ZNF707: variants seen among roughly 807,000 people sequenced by gnomAD.
The protein encoded by ZNF707 is zinc finger protein 707.
ZNF707 carries 8 observed loss-of-function variants against 13.3 expected under a neutral mutation model. The observed-to-expected ratio is 0.60, with a 90% CI of 0.35 to 1.09. The LOEUF (loss-of-function observed/expected upper bound fraction) is 1.09. Among genes scored for constraint, ZNF707 ranks in the 50% least tolerant of loss-of-function variants. The pLI is 0.02. For synonymous variants in ZNF707, 225 were observed against 205.6 expected (o/e 1.09, Z -0.81); for missense variants, 530 against 512.6 (o/e 1.03, Z -0.33).
intron 5 of ZNF707, 66 bp downstream of exon 5, chr8:143,691,779 T>A: frequency 7.3e-7 from 1 of 1,377,112 alleles, no homozygotes; most frequent in Non-Finnish European, 1.0e-6. Context: ...TGGGTAGTGC[T>A]CAGCACGCTG....
chr8:143,693,892 C>T lies in ZNF707; in HGVS notation c.478C>T (p.Arg160Trp), dbSNP rs569187572. Residue 160 changes from arginine to tryptophan, a missense_variant, in exon 6 of 6, where the codon CGG (arginine) becomes TGG (tryptophan). Physicochemically the swap from Arg to Trp is moderately radical, Grantham distance 101 (BLOSUM62 -3). Coordinates refer to ENST00000358656, the MANE Select transcript of ZNF707 (RefSeq NM_001100598.2). The surrounding 1 kb of genome is among the most constrained non-coding windows in gnomAD (Gnocchi z 4.1). ...GGTGCTCACGCAGCGTTGTGGGCGG[C>T]GGCCGGGCCGCAGAGAGCGCCGGAA... Reference protein sequence around the residue: ...CQVLTQRCGRRPGRRERRKQR... With the variant: ...CQVLTQRCGRWPGRRERRKQR... 3.1e-5 allele frequency: 49 copies of T among 1,605,116 alleles called. No homozygotes were observed. The East Asian group carries it at 5.6e-4, about 18-fold the overall frequency.
At chr8:143,684,567 G>C (rs566248138) in intron 1 of ZNF707, 25 bp downstream of exon 1, 1 of 152,468 alleles carries the variant, frequency 6.6e-6, no homozygotes, top group East Asian at 1.9e-4. Context: ...GTCCCCCGCC[G>C]CCCCTCCGTC....
intron 1 of ZNF707, among the ~76,000 whole-genome samples, chr8:143,685,591 G>A (rs1274903457): frequency 6.7e-6 from 1 of 149,562 alleles, no homozygotes; most frequent in East Asian, 2.0e-4. Context: ...TGTAACCCCA[G>A]CACTTGGGGA....
chr8:143,686,217 C>T (rs1223135935), intron 1 of ZNF707, among the ~76,000 whole-genome samples: 1 of 152,092 alleles, frequency 6.6e-6, no homozygotes, highest in African/African-American at 2.4e-5. Context: ...CCTGCTTCAG[C>T]CTCCCAAGTA....
Position 143,684,487 on chromosome 8 carries a change from C to G in ZNF707, c.-206C>G, listed in dbSNP as rs1554611433. 1 of 152,200 alleles carries G rather than the reference C, an allele frequency of 6.6e-6. No homozygotes were observed. The highest frequency in any genetic ancestry group is 1.9e-4 in the East Asian group (1 of 5,170). 9.4% of individuals were successfully genotyped at this position (152,200 alleles called of 1,614,324 possible). On this transcript the variant is annotated 5_prime_UTR_variant, in exon 1 of 6. Transcript: ENST00000358656. ...TTCCGCTCGGGAAGTTTGTAAAAGT[C>G]TGGGCTACCGGCGCGGCGTAGTGGA...
Position 143,690,129 on chromosome 8 carries a change from C to T in ZNF707, c.15+6C>T. 1 of 1,606,158 alleles carries T rather than the reference C, an allele frequency of 6.2e-7. No individual in the cohort carries two copies. The highest frequency in any genetic ancestry group is 8.5e-7 in the Non-Finnish European group (1 of 1,179,748). ...TTCCCATGGACATGGCCCAGGTGAG[C>T]CCTGCTGCTGCCGAGCGCAGCCTCC... On this transcript the variant is annotated splice_donor_region_variant and intron_variant, in intron 3 of 5. Coordinates refer to ENST00000358656, the MANE Select transcript of ZNF707 (RefSeq NM_001100598.2).
intron 2 of ZNF707, 91 bp from the exon 3 acceptor site, chr8:143,689,963 TCCC>T: frequency 1.0e-6 from 1 of 967,684 alleles, no homozygotes; most frequent in Admixed American, 2.2e-5. Context: ...TTTCCTGAAT[TCCC>T]CGTGATTTGC....
rs1817081323 is a variant in ZNF707 at position 143,693,929 on chromosome 8, T to C, written c.515T>C (p.Val172Ala). The C allele has an allele frequency of 6.2e-7, 1 of 1,607,976 alleles. No individual in the cohort carries two copies. Among genetic ancestry groups the C allele is most frequent in the Non-Finnish European group, 8.5e-7 (1 of 1,177,796 alleles). ...GRRERRKQRA[V>A]ELSFICGTCG... is the part of the protein sequence containing the mutation. The stretch of plus-strand genomic sequence containing the variant: ...AGAGAGCGCCGGAAGCAGCGCGCAG[T>C]AGAGCTGTCATTCATCTGCGGCACG... Residue 172 changes from valine (V) to alanine (A), a missense_variant, in exon 6 of 6, where the codon GTA becomes GCA. Coordinates refer to ENST00000358656, the MANE Select transcript of ZNF707 (RefSeq NM_001100598.2). The surrounding 1 kb of genome is among the most constrained non-coding windows in gnomAD (Gnocchi z 4.1).
chr8:143,690,884 T>G (rs1816743523), intron 3 of ZNF707, 189 bp from the exon 4 acceptor site: 1 of 735,612 alleles, frequency 1.4e-6, no homozygotes, highest in East Asian at 2.8e-5. Context: ...CACTTAACCT[T>G]AATCTCTTCC....
chr8:143,688,898 G>A (rs61212668), intron 1 of ZNF707: 4,848 of 152,388 alleles, frequency 0.032, 108 homozygotes, highest in Middle Eastern at 0.082. Context: ...GATTACAGGC[G>A]TGAGCCACTG....
Position 143,691,081 on chromosome 8 carries a change from G to A in ZNF707, c.24G>A (p.Val8=). The A allele has an allele frequency of 4.3e-6, 7 of 1,613,914 alleles. No individual in the cohort carries two copies. The highest frequency in any genetic ancestry group is 5.9e-6 in the Non-Finnish European group (7 of 1,179,868). The change falls in exon 4 of 6, where the codon GTG becomes GTA. Residue 8 remains valine, a synonymous_variant. Transcript: ENST00000358656. ...AGCTGTGTGTGTTGCAGGAGCCAGT[G>A]ACCTTCAGGGACGTGGCCATCTACT... MDMAQEP[V]TFRDVAIYFS...
At position 143,691,110 on chromosome 8, in the gene ZNF707, C is replaced by T. The variant is rs1554613447; in HGVS notation, c.53C>T (p.Ser18Leu). Residue 18 changes from serine to leucine, a missense_variant, in exon 4 of 6, where the codon TCA (serine) becomes TTA (leucine). Coordinates refer to ENST00000358656, the MANE Select transcript of ZNF707 (RefSeq NM_001100598.2). The part of the protein sequence containing the change: ...VTFRDVAIYF[S>L]REEWACLEPS... The stretch of plus-strand genomic sequence containing the variant: ...TTCAGGGACGTGGCCATCTACTTCT[C>T]AAGGGAGGAGTGGGCGTGTCTGGAA... 1 of 1,613,928 alleles carries T rather than the reference C, an allele frequency of 6.2e-7. No homozygotes were observed.
rs201904959 is a variant in ZNF707, at chr8:143,693,311, C to T, written c.257-360C>T. Among the ~76,000 whole-genome samples, 1 of 149,914 alleles carries T rather than the reference C, an allele frequency of 6.7e-6. No homozygotes were observed. The highest frequency in any genetic ancestry group is 1.5e-5 in the Non-Finnish European group (1 of 67,558). On this transcript the variant is annotated intron_variant, in intron 5 of 5. Transcript: ENST00000358656. This position sits in a 1 kb window ranked among gnomAD's most constrained non-coding sequence, Gnocchi z 4.1. ...TTTTTTTTTTTTTGAGACGGAGTCTCGCTCTGTCGCCCAGGCTGGACTGCG... is the reference window on the plus strand; with the variant it reads ...TTTTTTTTTTTTTGAGACGGAGTCTTGCTCTGTCGCCCAGGCTGGACTGCG...
intron 3 of ZNF707, chr8:143,690,439 T>C: frequency 2.9e-6 from 1 of 341,046 alleles, no homozygotes; most frequent in Non-Finnish European, 5.3e-6. Flanking sequence ...GGCACGCACC[T>C]GTAGGCCCAG....
At position 143,690,142 on chromosome 8, in the gene ZNF707, G is replaced by A. The variant is rs782761103; in HGVS notation, c.15+19G>A. On this transcript the variant is annotated intron_variant, in intron 3 of 5. Coordinates refer to ENST00000358656, the MANE Select transcript of ZNF707 (RefSeq NM_001100598.2). ...GGCCCAGGTGAGCCCTGCTGCTGCC[G>A]AGCGCAGCCTCCCTTCTGCCCTGCT... is the stretch of plus-strand genomic sequence containing the variant. The A allele has an allele frequency of 5.6e-6, 9 of 1,603,846 alleles. No individual in the cohort carries two copies. The highest frequency in any genetic ancestry group is 4.5e-5 in the East Asian group (2 of 44,880).
intron 1 of ZNF707, among the ~76,000 whole-genome samples, chr8:143,685,348 A>G (rs1587363610): frequency 6.6e-6 from 1 of 151,892 alleles, no homozygotes; most frequent in East Asian, 1.9e-4. Context: ...GCATGTTGAA[A>G]CCTTGTCTCT....
intron 3 of ZNF707, chr8:143,690,348 G>A: frequency 1.8e-6 from 1 of 561,130 alleles, no homozygotes; most frequent in South Asian, 2.4e-5. Context: ...GAGGCAGGTG[G>A]ATCTCGAGGT....
intron 5 of ZNF707, chr8:143,691,990 C>T: frequency 6.9e-7 from 1 of 1,448,326 alleles, no homozygotes; most frequent in Non-Finnish European, 9.2e-7. Flanking sequence ...ACACTTGAAG[C>T]CTGCACCTAG....
chr8:143,693,706 G>C lies in ZNF707; in HGVS notation c.292G>C (p.Asp98His). The C allele has an allele frequency of 6.2e-7, 1 of 1,608,498 alleles. No homozygotes were observed. The highest frequency in any genetic ancestry group is 8.5e-7 in the Non-Finnish European group (1 of 1,177,462). ...RKSADPKRPC[D>H]HPAWAHKKTH... Reference sequence around the variant, plus strand: ...GTCTGCAGACCCCAAGAGACCTTGTGATCATCCAGCTTGGGCTCACAAGAA... The same window carrying C: ...GTCTGCAGACCCCAAGAGACCTTGTCATCATCCAGCTTGGGCTCACAAGAA... Residue 98 changes from aspartate to histidine, a missense_variant, in exon 6 of 6, where the codon GAT becomes CAT. Physicochemically the swap from Asp to His is moderately conservative, Grantham distance 81. Coordinates refer to ENST00000358656, the MANE Select transcript of ZNF707 (RefSeq NM_001100598.2). The surrounding 1 kb of genome is among the most constrained non-coding windows in gnomAD (Gnocchi z 4.1).
Sources: gnomAD v4.1 joint callset for allele counts (sites outside exome capture counted in the v4.1 genomes callset) on GRCh38, gnomAD v4.1.1 for gene constraint, Gnocchi (gnomAD v3.1) non-coding constraint, MANE v1.5 for transcripts, NCBI Gene and HGNC (gene_info 2026-07-23, HGNC 2026-07-21) for gene names.